CORIN: variants seen among roughly 807,000 people sequenced by gnomAD.
The protein encoded by CORIN is corin, serine peptidase.
In CORIN, 117 loss-of-function variants were observed where a neutral mutation model predicts 125.3. That is an observed-to-expected ratio of 0.93 (90% confidence interval 0.80 to 1.09). CORIN has a LOEUF of 1.09. Among genes scored for constraint, CORIN ranks in the 50% least tolerant of loss-of-function variants. The pLI, the probability that CORIN is intolerant of heterozygous loss-of-function variation, is 0.00. For synonymous variants in CORIN, 450 were observed against 466.4 expected, an observed-to-expected ratio of 0.96 and a Z score of 0.45; for missense variants, 1,253 against 1,306.7, an observed-to-expected ratio of 0.96 and a Z score of 0.63.
chr4:47,692,994 C>A lies in CORIN; in HGVS notation c.889G>T (p.Asp297Tyr), dbSNP rs751480678. 3.7e-6 allele frequency: 6 copies of A among 1,613,718 alleles called. No homozygotes were observed. Among genetic ancestry groups the A allele is most frequent in the Middle Eastern group, 1.6e-4 (1 of 6,062 alleles). ...LQCNGYNDCD[D>Y]WSDEAHCNCS... ...CTGCAATGAGCCTCGTCACTCCAGT[C>A]GTCACAGTCGTTGTAGCCATTACAT... The change falls in exon 6 of 22, where the codon GAC becomes TAC. Residue 297 changes from aspartate to tyrosine, a missense_variant. Physicochemically the swap from Asp to Tyr is radical, Grantham distance 160. Coordinates refer to ENST00000273857, the MANE Select transcript of CORIN (RefSeq NM_006587.4).
chr4:47,635,766 C>T (rs1166479374), intron 16 of CORIN, among the ~76,000 whole-genome samples: 2 of 152,106 alleles, frequency 1.3e-5, no homozygotes, highest in Non-Finnish European at 2.9e-5. Flanking sequence ...AGGTAAAAGC[C>T]AGATTGCAGT....
chr4:47,624,623 T>C (rs1430054026), intron 17 of CORIN, among the ~76,000 whole-genome samples: 3 of 152,264 alleles, frequency 2.0e-5, no homozygotes, highest in Non-Finnish European at 2.9e-5. Context: ...TTTACAAGAA[T>C]TGTGGGTTCA....
chr4:47,684,100 T>G (rs1215907334), intron 6 of CORIN, among the ~76,000 whole-genome samples: 1 of 152,228 alleles, frequency 6.6e-6, no homozygotes, highest in Non-Finnish European at 1.5e-5. Context: ...GAACGATCCT[T>G]GATTGTTAAA....
chr4:47,761,098 A>G (rs184622903), intron 4 of CORIN, among the ~76,000 whole-genome samples: 1 of 152,328 alleles, frequency 6.6e-6, no homozygotes, highest in East Asian at 1.9e-4. Flanking sequence ...ATCAGCAATA[A>G]GGCTGTTTTG....
chr4:47,833,905 A>C (rs1433344223), intron 1 of CORIN, among the ~76,000 whole-genome samples: 1 of 152,204 alleles, frequency 6.6e-6, no homozygotes, highest in African/African-American at 2.4e-5. Context: ...AAAGATAACA[A>C]GTGTTGGATG....
intron 5 of CORIN, among the ~76,000 whole-genome samples, chr4:47,694,149 T>C (rs897919785): frequency 2.6e-5 from 4 of 152,200 alleles, no homozygotes; most frequent in Non-Finnish European, 4.4e-5. Context: ...GAAAACTACA[T>C]TGTAGAAAAT....
intron 12 of CORIN, among the ~76,000 whole-genome samples, chr4:47,659,074 T>C (rs956499735): frequency 2.0e-5 from 3 of 152,246 alleles, no homozygotes; most frequent in African/African-American, 4.8e-5. Flanking sequence ...CAAACTCTTT[T>C]CTAACACAAG....
Position 47,679,369 on chromosome 4 carries a change from T to TC in CORIN, c.1132+771_1132+772insG, listed in dbSNP as rs1725164346. ...TTTATATTATTACTACGTTCTCTCT[T>TC]TTTTTTTTTTTAAAGATGGAGTTTC... On this transcript the variant is annotated intron_variant, in intron 8 of 21. Transcript: ENST00000273857. Among the ~76,000 whole-genome samples, 9 of 47,186 alleles carry TC rather than the reference T, an allele frequency of 1.9e-4. 1 individual carries two copies. The highest frequency in any genetic ancestry group is 3.4e-4 in the African/African-American group (8 of 23,532). 31.0% of individuals were successfully genotyped at this position (47,186 alleles called of 152,430 possible).
intron 19 of CORIN, among the ~76,000 whole-genome samples, chr4:47,616,278 T>TTTATATTCATATTAATATTCACATACC (rs1214313458): frequency 1.3e-5 from 2 of 152,124 alleles, no homozygotes; most frequent in Non-Finnish European, 2.9e-5. Flanking sequence ...ATTCACATAC[T>TTTATATTCATATTAATATTCACATACC]TTATATTCAT....
At chr4:47,814,099 T>G (rs2109963338) in intron 1 of CORIN, among the ~76,000 whole-genome samples, 1 of 152,284 alleles carries the variant, frequency 6.6e-6, no homozygotes, top group South Asian at 2.1e-4. Flanking sequence ...ATTTAGTACC[T>G]TAATTCTTTA....
chr4:47,701,819 G>T (rs1726305486), intron 5 of CORIN, among the ~76,000 whole-genome samples: 1 of 151,108 alleles, frequency 6.6e-6, no homozygotes. Flanking sequence ...GGAAGGAAGG[G>T]CGGGAGGGAG....
At chr4:47,637,436 C>T (rs577695253) in intron 16 of CORIN, among the ~76,000 whole-genome samples, 1 of 152,326 alleles carries the variant, frequency 6.6e-6, no homozygotes, top group South Asian at 2.1e-4. Flanking sequence ...CATGGCAGCC[C>T]CTCCCATCAC....
At position 47,665,207 on chromosome 4, in the gene CORIN, T is replaced by G; in HGVS notation, c.1414A>C (p.Ser472Arg). ...CTGTGGCCAAAATAATTTGGATAAC[T>G]TGTACTGTTGTAGGGCAAATTCATG... is the stretch of plus-strand genomic sequence containing the variant. ...LCMNLPYNST[S>R]YPNYFGHRTQ... The change falls in exon 11 of 22, where the codon AGT becomes CGT. Residue 472 changes from serine (S) to arginine (R), a missense_variant. Ser to Arg is a moderately radical substitution (Grantham distance 110). Transcript: ENST00000273857. 2 of 1,614,062 alleles carry G rather than the reference T, an allele frequency of 1.2e-6. No homozygotes were observed. The highest frequency in any genetic ancestry group is 1.7e-6 in the Non-Finnish European group (2 of 1,179,942).
chr4:47,792,504 A>G (rs796377303), intron 2 of CORIN, among the ~76,000 whole-genome samples: 14 of 152,362 alleles, frequency 9.2e-5, no homozygotes, highest in African/African-American at 3.1e-4. Context: ...AGAAAGCTCC[A>G]AAGATGCAAA....
Position 47,680,171 on chromosome 4 carries a change from A to G in CORIN, c.1102T>C (p.Cys368Arg). ...MEWVCDGDHD[C>R]VDKSDEVNCS... is the part of the protein sequence containing the mutation. ...TTGACCTCGTCAGACTTATCCACACAGTCGTGGTCACCATCACACACCCAC... is the reference window on the plus strand; with the variant it reads ...TTGACCTCGTCAGACTTATCCACACGGTCGTGGTCACCATCACACACCCAC... The change falls in exon 8 of 22, where the codon TGT (cysteine) becomes CGT (arginine). Residue 368 changes from cysteine to arginine, a missense_variant. Physicochemically the swap from Cys to Arg is radical, Grantham distance 180. Transcript: ENST00000273857. 1.2e-6 allele frequency: 2 copies of G among 1,613,834 alleles called. No homozygotes were observed. Among genetic ancestry groups the G allele is most frequent in the Non-Finnish European group, 1.7e-6 (2 of 1,179,728 alleles).
intron 5 of CORIN, among the ~76,000 whole-genome samples, chr4:47,738,192 A>G (rs938567481): frequency 1.3e-5 from 2 of 152,110 alleles, no homozygotes; most frequent in Non-Finnish European, 2.9e-5. Flanking sequence ...ATACCTAAGA[A>G]GGACCCAGAA....
chr4:47,729,234 A>T (rs1218481543), intron 5 of CORIN, among the ~76,000 whole-genome samples: 1 of 152,242 alleles, frequency 6.6e-6, no homozygotes, highest in African/African-American at 2.4e-5. Context: ...TAAAGCTTCA[A>T]GTTACAGCAA....
intron 5 of CORIN, among the ~76,000 whole-genome samples, chr4:47,737,659 A>T (rs1728193900): frequency 6.6e-6 from 1 of 152,206 alleles, no homozygotes; most frequent in African/African-American, 2.4e-5. Flanking sequence ...CAAAGGCTGA[A>T]GCTTAATAAA....
chr4:47,733,252 A>G (rs1207383527), intron 5 of CORIN, among the ~76,000 whole-genome samples: 2 of 152,216 alleles, frequency 1.3e-5, no homozygotes, highest in African/African-American at 4.8e-5. Context: ...AGAGGTTTAA[A>G]GGGCTTGAGA....
Sources: allele counts gnomAD v4.1 joint callset (sites outside exome capture counted in the v4.1 genomes callset), GRCh38; gene constraint gnomAD v4.1.1; transcripts MANE v1.5; gene names NCBI Gene and HGNC (gene_info 2026-07-23, HGNC 2026-07-21).